The following CHD7 variants were observed in gnomAD, a reference collection of about 807,000 sequenced individuals.
CHD7 encodes the protein chromodomain helicase DNA binding protein 7, also known as ATP-dependent chromatin remodeler CHD7.
A neutral mutation model predicts 307.3 loss-of-function variants in CHD7; 24 were observed. The ratio of observed to expected loss-of-function variants is 0.08; its 90% CI spans 0.06 to 0.11. The LOEUF (loss-of-function observed/expected upper bound fraction) is 0.11, where lower values mean the gene tolerates loss of function less well. Among genes scored for constraint, CHD7 ranks in the 10% least tolerant of loss-of-function variants. The probability of loss-of-function intolerance (pLI) is 1.00; values close to 1 mark genes in which losing one functional copy is unlikely to be tolerated. For synonymous variants in CHD7, 1,363 were observed against 1,349.9 expected, an observed-to-expected ratio of 1.01 and a Z score of -0.21; for missense variants, 3,106 against 3,727.1, an observed-to-expected ratio of 0.83 and a Z score of 4.34.
rs374105127 is a variant in CHD7 at position 60,795,969 on chromosome 8, T to C, written c.2238+842T>C. The stretch of plus-strand genomic sequence containing the variant: ...TCTAGAAGCTTACTGGACTTTTTCT[T>C]ATTTAGTACACACTCAGGACTTTGC... On this transcript the variant is annotated intron_variant, in intron 4 of 37. Coordinates refer to ENST00000423902, the MANE Select transcript of CHD7 (RefSeq NM_017780.4). Among the ~76,000 whole-genome samples the C allele has an allele frequency of 2.6e-5, 4 of 152,190 alleles. 1 individual carries two copies. The South Asian group carries it at 8.3e-4, about 32-fold the overall frequency.
At chr8:60,852,434 A>G in intron 29 of CHD7, 64 bp from the exon 30 acceptor site, 1 of 1,472,478 alleles carries the variant, frequency 6.8e-7, no homozygotes, top group South Asian at 1.2e-5. Context: ...GAAGAAGAAA[A>G]GAAACAGTAA....
chr8:60,761,873 C>T (rs544205647), intron 2 of CHD7, among the ~76,000 whole-genome samples: 1 of 152,192 alleles, frequency 6.6e-6, no homozygotes, highest in Non-Finnish European at 1.5e-5. Flanking sequence ...TTCAGGAGCC[C>T]TTGGCCAGTG....
At chr8:60,800,621 T>G (rs770457400) in intron 5 of CHD7, 96 bp downstream of exon 5, 39 of 1,226,598 alleles carry the variant, frequency 3.2e-5, no homozygotes, top group Non-Finnish European at 3.9e-5. Flanking sequence ...AGCATTGGAC[T>G]TTCAGCAGGG....
At chr8:60,707,799 G>T (rs1282846622) in intron 1 of CHD7, among the ~76,000 whole-genome samples, 1 of 152,094 alleles carries the variant, frequency 6.6e-6, no homozygotes, top group Non-Finnish European at 1.5e-5. Flanking sequence ...TAATTTGCTG[G>T]ACTATATGGT....
chr8:60,769,985 T>A (rs1259333617), intron 2 of CHD7, among the ~76,000 whole-genome samples: 2 of 152,248 alleles, frequency 1.3e-5, no homozygotes, highest in Non-Finnish European at 2.9e-5. Context: ...CTTTCTGGGC[T>A]TTTTCTTCCA....
chr8:60,837,060 G>T (rs1294463827), intron 17 of CHD7, 48 bp downstream of exon 17: 4 of 1,450,506 alleles, frequency 2.8e-6, no homozygotes, highest in Non-Finnish European at 3.8e-6. Flanking sequence ...AAGTCATTCT[G>T]CTTACTATGA....
chr8:60,694,129 C>G (rs1284583271), intron 1 of CHD7, among the ~76,000 whole-genome samples: 2 of 152,240 alleles, frequency 1.3e-5, no homozygotes, highest in Non-Finnish European at 2.9e-5. Context: ...ATTGACATCT[C>G]TAAAGAGCGA....
chr8:60,776,729 G>A lies in CHD7; in HGVS notation c.1666-4271G>A, dbSNP rs138571367. On this transcript the variant is annotated intron_variant, in intron 2 of 37. Transcript: ENST00000423902. ...TGTTATAATCTCAATAGGACTTGCC[G>A]AAACGTTGCTAAATGCTCTTTTGAA... 1.5e-3 allele frequency among the ~76,000 whole-genome samples: 234 copies of A among 152,192 alleles called. 1 individual carries two copies. The highest frequency in any genetic ancestry group is 3.4e-3 in the Middle Eastern group (1 of 294).
intron 7 of CHD7, among the ~76,000 whole-genome samples, chr8:60,812,750 T>A (rs906695630): frequency 4.6e-5 from 7 of 151,868 alleles, no homozygotes; most frequent in Non-Finnish European, 1.0e-4. Flanking sequence ...TTATTTATTT[T>A]ATTTATTTTT....
intron 6 of CHD7, among the ~76,000 whole-genome samples, chr8:60,803,899 G>A (rs745327594): frequency 3.2e-4 from 48 of 152,158 alleles, no homozygotes; most frequent in South Asian, 2.1e-4. Context: ...TTAATAATTG[G>A]CAGTGAGAAG....
intron 23 of CHD7, among the ~76,000 whole-genome samples, chr8:60,846,816 C>T (rs1376623644): frequency 6.6e-6 from 1 of 152,254 alleles, no homozygotes; most frequent in Non-Finnish European, 1.5e-5. Flanking sequence ...GTAACCTCCT[C>T]AAGGACCCTC....
At position 60,867,798 on chromosome 8, in the gene CHD7, C is replaced by T. The variant is rs1046174537; in HGVS notation, c.*1865C>T. 6.6e-6 allele frequency: 1 copy of T among 152,170 alleles called. No individual in the cohort carries two copies. Among genetic ancestry groups the T allele is most frequent in the Admixed American group, 6.5e-5 (1 of 15,282 alleles). 9.4% of individuals were successfully genotyped at this position (152,170 alleles called of 1,614,324 possible). A position where few individuals can be genotyped will look rare whatever the true frequency, so the allele number is the denominator to read the frequency against. ...AACCTGAACCCTCCACCTTACAGAT[C>T]CTGTGATTGCTTTTATTTATCATCG... On this transcript the variant is annotated 3_prime_UTR_variant, in exon 38 of 38. Coordinates refer to ENST00000423902, the MANE Select transcript of CHD7 (RefSeq NM_017780.4).
At chr8:60,783,024 G>T (rs560437415) in intron 3 of CHD7, among the ~76,000 whole-genome samples, 1 of 152,072 alleles carries the variant, frequency 6.6e-6, no homozygotes, top group South Asian at 2.1e-4. Flanking sequence ...GCTTTTTGGA[G>T]CTCAGGAAAT....
At chr8:60,707,429 G>A (rs184427455) in intron 1 of CHD7, among the ~76,000 whole-genome samples, 1 of 152,226 alleles carries the variant, frequency 6.6e-6, no homozygotes. Context: ...GTCTGACCTA[G>A]TTCACACACG....
intron 19 of CHD7, among the ~76,000 whole-genome samples, chr8:60,840,138 C>CA (rs1355513711): frequency 1.3e-5 from 2 of 152,082 alleles, no homozygotes; most frequent in Non-Finnish European, 2.9e-5. Flanking sequence ...TCTGTGATCC[C>CA]ATTTGGATAG....
At chr8:60,854,569 A>T (rs1426394865) in intron 32 of CHD7, 46 bp downstream of exon 32, 3 of 1,479,696 alleles carry the variant, frequency 2.0e-6, no homozygotes, top group Non-Finnish European at 1.8e-6. Context: ...AAAAAGGATT[A>T]GGGTAGAGGA....
At position 60,865,576 on chromosome 8, in the gene CHD7, C is replaced by A; in HGVS notation, c.8637C>A (p.Ala2879=). The A allele has an allele frequency of 6.2e-7, 1 of 1,614,018 alleles. No homozygotes were observed. The change falls in exon 38 of 38, where the codon GCC becomes GCA. Residue 2879 remains alanine (A), a synonymous_variant. Coordinates refer to ENST00000423902, the MANE Select transcript of CHD7 (RefSeq NM_017780.4). This position sits in a 1 kb window ranked among gnomAD's most constrained non-coding sequence, Gnocchi z 4.3. ...ATGGATCTGTTGGTGCTGCTACTGC[C>A]CCGGCTGGATTGCCCTCAAACCCGC... The part of the protein sequence containing the change: ...SANGSVGAAT[A]PAGLPSNPLA...
chr8:60,728,665 G>T (rs1004541898), intron 1 of CHD7, among the ~76,000 whole-genome samples: 1 of 152,110 alleles, frequency 6.6e-6, no homozygotes. Flanking sequence ...CATTTATAGA[G>T]TTATAATGGG....
At chr8:60,864,982 T>C (rs746329781) in intron 37 of CHD7, 34 bp from the exon 38 acceptor site, 53 of 1,548,802 alleles carry the variant, frequency 3.4e-5, no homozygotes, top group Non-Finnish European at 4.5e-5. Flanking sequence ...TTCGACAGCC[T>C]TTATAGCCAC....
Sources: gnomAD v4.1 joint callset for allele counts (sites outside exome capture counted in the v4.1 genomes callset) on GRCh38, gnomAD v4.1.1 for gene constraint, Gnocchi (gnomAD v3.1) non-coding constraint, MANE v1.5 for transcripts, NCBI Gene and HGNC (gene_info 2026-07-23, HGNC 2026-07-21) for gene names.